CTNND2: variants seen among roughly 807,000 people sequenced by gnomAD.
CTNND2 encodes catenin delta-2.
Under a neutral mutation model 144.4 loss-of-function variants are expected in CTNND2, and 22 were observed. The observed-to-expected ratio is 0.15, with a 90% confidence interval of 0.11 to 0.22. The LOEUF (loss-of-function observed/expected upper bound fraction) is 0.22, where lower values mean the gene tolerates loss of function less well. CTNND2 is among the 10% of genes least tolerant of loss of function. The pLI is 1.00. For missense variants in CTNND2, 1,353 were observed against 1,618.8 expected (o/e 0.84, Z 2.82); for synonymous variants, 751 against 695.6 (o/e 1.08, Z -1.25).
At chr5:11,315,082 T>G (rs1311419860) in intron 9 of CTNND2, among the ~76,000 whole-genome samples, 1 of 147,274 alleles carries the variant, frequency 6.8e-6, no homozygotes, top group Non-Finnish European at 1.5e-5. Flanking sequence ...TTTTTTAAAT[T>G]AAGCTATGCT....
chr5:11,723,913 G>A (rs781462345), intron 2 of CTNND2, among the ~76,000 whole-genome samples: 57 of 152,010 alleles, frequency 3.7e-4, no homozygotes, highest in Non-Finnish European at 5.7e-4. Flanking sequence ...AAAATTAGCC[G>A]GGCGTAGTGG....
chr5:11,717,574 G>GA (rs34808379), intron 2 of CTNND2, among the ~76,000 whole-genome samples: 1,721 of 118,284 alleles, frequency 0.015, 25 homozygotes, highest in African/African-American at 0.044. Flanking sequence ...AAGAGACTGT[G>GA]AAAAAAAAAA....
intron 3 of CTNND2, among the ~76,000 whole-genome samples, chr5:11,507,939 G>C (rs994522643): frequency 2.0e-5 from 3 of 151,732 alleles, no homozygotes; most frequent in Non-Finnish European, 4.4e-5. Context: ...CAGCAAATAA[G>C]GACAAATAAG....
chr5:11,184,836 C>G (rs1396326179), intron 11 of CTNND2, among the ~76,000 whole-genome samples: 1 of 152,140 alleles, frequency 6.6e-6, no homozygotes, highest in East Asian at 1.9e-4. Context: ...CCCTTAACTT[C>G]TAGAAGAATT....
intron 14 of CTNND2, among the ~76,000 whole-genome samples, chr5:11,106,375 T>A (rs1317357265): frequency 2.0e-5 from 3 of 152,222 alleles, no homozygotes; most frequent in African/African-American, 7.2e-5. Context: ...TAGCTCCTCC[T>A]CATTCCAGTG....
chr5:11,730,448 G>A (rs1194377428), intron 2 of CTNND2, among the ~76,000 whole-genome samples: 2 of 152,160 alleles, frequency 1.3e-5, no homozygotes, highest in Non-Finnish European at 2.9e-5. Flanking sequence ...AGGCATATAT[G>A]TATATTTGAA....
chr5:11,617,137 C>T (rs1469766591), intron 2 of CTNND2, among the ~76,000 whole-genome samples: 3 of 152,188 alleles, frequency 2.0e-5, no homozygotes, highest in Non-Finnish European at 4.4e-5. Context: ...TTGTCCATTA[C>T]CTCCGAGGAT....
At chr5:11,667,381 C>T (rs569783479) in intron 2 of CTNND2, among the ~76,000 whole-genome samples, 1 of 152,102 alleles carries the variant, frequency 6.6e-6, no homozygotes, top group Non-Finnish European at 1.5e-5. Context: ...ACACTCCCAA[C>T]AACAGTGTAA....
intron 12 of CTNND2, among the ~76,000 whole-genome samples, chr5:11,119,762 A>G (rs1753894356): frequency 6.6e-6 from 1 of 152,230 alleles, no homozygotes; most frequent in African/African-American, 2.4e-5. Flanking sequence ...GCAAGTTAGC[A>G]TTTCCAAATA....
At chr5:11,250,456 G>GCT (rs71595810) in intron 9 of CTNND2, among the ~76,000 whole-genome samples, 2,843 of 73,102 alleles carry the variant, frequency 0.039, 89 homozygotes, top group South Asian at 0.052. Flanking sequence ...TTTAAAGGGT[G>GCT]CTCTCTCTCT....
At chr5:11,828,396 G>A (rs1793713037) in intron 1 of CTNND2, among the ~76,000 whole-genome samples, 1 of 152,132 alleles carries the variant, frequency 6.6e-6, no homozygotes, top group Non-Finnish European at 1.5e-5. Context: ...TGGGCATGGT[G>A]GGAGGCACCT....
intron 3 of CTNND2, among the ~76,000 whole-genome samples, chr5:11,505,634 CA>C (rs1770959335): frequency 6.6e-6 from 1 of 152,136 alleles, no homozygotes; most frequent in African/African-American, 2.4e-5. Context: ...AACAAAAAAA[CA>C]GCCCCCTCCT....
intron 1 of CTNND2, among the ~76,000 whole-genome samples, chr5:11,740,627 T>C (rs867651786): frequency 6.6e-6 from 1 of 152,162 alleles, no homozygotes; most frequent in South Asian, 2.1e-4. Context: ...GACATAGGCA[T>C]GGGCAAAGAC....
intron 1 of CTNND2, among the ~76,000 whole-genome samples, chr5:11,767,515 C>T (rs908943789): frequency 6.6e-6 from 1 of 152,170 alleles, no homozygotes; most frequent in East Asian, 1.9e-4. Flanking sequence ...AAATGAACCA[C>T]GAACAAGAAT....
intron 1 of CTNND2, among the ~76,000 whole-genome samples, chr5:11,757,408 T>C (rs1789012075): frequency 6.6e-6 from 1 of 151,878 alleles, no homozygotes; most frequent in South Asian, 2.1e-4. Context: ...CATAAATATA[T>C]GTTGAAATCA....
intron 2 of CTNND2, among the ~76,000 whole-genome samples, chr5:11,706,266 A>G (rs1031248327): frequency 7.2e-5 from 11 of 152,210 alleles, no homozygotes; most frequent in African/African-American, 2.7e-4. Flanking sequence ...CTGAACTCAT[A>G]AAAGTGTGCT....
Position 11,204,898 on chromosome 5 carries a change from A to T in CTNND2, c.1762-5237T>A, listed in dbSNP as rs1350169272. ...CCTCCCAGGCATTCAGGGCAACAGA[A>T]GATATCGCTCACCTGCTCTGCATTT... is the stretch of plus-strand genomic sequence containing the variant. On this transcript the variant is annotated intron_variant, in intron 10 of 21. Coordinates refer to ENST00000304623, the MANE Select transcript of CTNND2 (RefSeq NM_001332.4). 6.6e-5 allele frequency among the ~76,000 whole-genome samples: 10 copies of T among 152,318 alleles called. No homozygotes were observed. In the East Asian group the frequency reaches 1.9e-3, roughly 29 times the overall value.
In CTNND2 at chr5:10,972,902, G is replaced by A. The variant is rs1183891736; in HGVS notation, c.*551C>T. Reference sequence around the variant, plus strand: ...TAGATGAGGAAACACGGCGGCATTGGTGTAATATACACAACGCGCTTTTCT... The same window carrying A: ...TAGATGAGGAAACACGGCGGCATTGATGTAATATACACAACGCGCTTTTCT... On this transcript the variant is annotated 3_prime_UTR_variant, in exon 22 of 22. Transcript: ENST00000304623. The A allele has an allele frequency of 6.6e-6, 1 of 152,502 alleles. No homozygotes were observed. Among genetic ancestry groups the A allele is most frequent in the Non-Finnish European group, 1.5e-5 (1 of 68,036 alleles). 9.4% of individuals were successfully genotyped at this position (152,502 alleles called of 1,614,324 possible).
intron 2 of CTNND2, among the ~76,000 whole-genome samples, chr5:11,723,339 A>T (rs1786793388): frequency 1.3e-5 from 2 of 152,144 alleles, no homozygotes; most frequent in African/African-American, 4.8e-5. Context: ...ATCTCATTCC[A>T]CCTGATTAAA....
Sources: gnomAD v4.1 joint callset for allele counts (sites outside exome capture counted in the v4.1 genomes callset) on GRCh38, gnomAD v4.1.1 for gene constraint, MANE v1.5 for transcripts, NCBI Gene and HGNC (gene_info 2026-07-23, HGNC 2026-07-21) for gene names.